GLRB: variants seen among roughly 807,000 people sequenced by gnomAD.
GLRB encodes the protein glycine receptor beta, also known as glycine receptor subunit beta.
GLRB carries 33 observed loss-of-function variants against 54.2 expected under a neutral mutation model. The observed-to-expected ratio is 0.61, with a 90% confidence interval of 0.46 to 0.81. The LOEUF is 0.81. GLRB is among the 40% of genes least tolerant of loss of function. The probability of loss-of-function intolerance (pLI) is 0.00; values close to 1 mark genes in which losing one functional copy is unlikely to be tolerated. For missense variants in GLRB, 572 were observed against 584.6 expected, an observed-to-expected ratio of 0.98 and a Z score of 0.22; for synonymous variants, 209 against 208.2, an observed-to-expected ratio of 1.00 and a Z score of -0.03.
intron 2 of GLRB, among the ~76,000 whole-genome samples, chr4:157,102,240 T>G (rs1473435817): frequency 1.3e-5 from 2 of 152,290 alleles, no homozygotes; most frequent in Admixed American, 6.5e-5. Flanking sequence ...CTTAACAGAT[T>G]TTTAAATTGT....
Position 157,120,658 on chromosome 4 carries a change from C to G in GLRB, c.225C>G (p.Phe75Leu). 2 of 1,459,600 alleles carry G rather than the reference C, an allele frequency of 1.4e-6. No homozygotes were observed. The highest frequency in any genetic ancestry group is 1.9e-6 in the Non-Finnish European group (2 of 1,042,436). 90.4% of individuals were successfully genotyped at this position (1,459,600 alleles called of 1,614,324 possible). ...VSYDPRIRPN[F>L]KGIPVDVVVN... ...ATGATCCCAGGATAAGACCAAACTT[C>G]AAAGGTTTGTCTCCCCCATATAAAT... Residue 75 changes from phenylalanine (F) to leucine (L), a missense_variant, in exon 3 of 10, where the codon TTC (phenylalanine) becomes TTG (leucine). Phe to Leu is a conservative substitution (Grantham distance 22). Transcript: ENST00000264428.
At chr4:157,122,970 G>A (rs1411882421) in intron 4 of GLRB, among the ~76,000 whole-genome samples, 1 of 151,670 alleles carries the variant, frequency 6.6e-6, no homozygotes, top group Non-Finnish European at 1.5e-5. Flanking sequence ...AAGCAGATTC[G>A]TGTCTTGAAA....
intron 4 of GLRB, among the ~76,000 whole-genome samples, chr4:157,127,298 T>C (rs1736049526): frequency 6.6e-6 from 1 of 151,824 alleles, no homozygotes; most frequent in Non-Finnish European, 1.5e-5. Context: ...TGTCCCATTT[T>C]TTATTTCACA....
chr4:157,119,703 A>G (rs1053546265), intron 2 of GLRB, among the ~76,000 whole-genome samples: 2 of 151,824 alleles, frequency 1.3e-5, no homozygotes, highest in Non-Finnish European at 2.9e-5. Flanking sequence ...CACACCAGTT[A>G]GAATGGCAAT....
At chr4:157,144,841 A>T (rs1736749069) in intron 8 of GLRB, among the ~76,000 whole-genome samples, 1 of 152,194 alleles carries the variant, frequency 6.6e-6, no homozygotes, top group South Asian at 2.1e-4. Context: ...GATTTTAAAG[A>T]GTAGGAAGCT....
At chr4:157,162,235 G>A (rs752999311) in intron 9 of GLRB, among the ~76,000 whole-genome samples, 10 of 151,990 alleles carry the variant, frequency 6.6e-5, no homozygotes, top group South Asian at 2.1e-4. Context: ...CATTCATCTC[G>A]TCTTTTTTCA....
intron 8 of GLRB, among the ~76,000 whole-genome samples, chr4:157,149,076 T>C (rs1305446483): frequency 1.3e-5 from 2 of 152,102 alleles, no homozygotes; most frequent in African/African-American, 4.8e-5. Flanking sequence ...TCTGCATATC[T>C]TTCCTTACTC....
intron 2 of GLRB, among the ~76,000 whole-genome samples, chr4:157,098,016 T>A (rs1310198760): frequency 6.6e-6 from 1 of 151,790 alleles, no homozygotes; most frequent in East Asian, 2.0e-4. Context: ...AGTGAGACTT[T>A]GTCTCAAAAA....
At position 157,170,796 on chromosome 4, in the gene GLRB, A is replaced by G. The variant is rs1417990211; in HGVS notation, c.*68A>G. On this transcript the variant is annotated 3_prime_UTR_variant, in exon 10 of 10. Transcript: ENST00000264428. ...TGACCTACTCCTTTCATAAATGCCA[A>G]TCTGTGAGAACTTTTGAATTTTCAT... 2.6e-5 allele frequency: 23 copies of G among 898,750 alleles called. No individual in the cohort carries two copies. Among genetic ancestry groups the G allele is most frequent in the Non-Finnish European group, 3.6e-5 (22 of 605,096 alleles). 55.7% of individuals were successfully genotyped at this position (898,750 alleles called of 1,614,324 possible). A position where few individuals can be genotyped will look rare whatever the true frequency, so the allele number is the denominator to read the frequency against.
In GLRB at chr4:157,152,886, A is replaced by G; in HGVS notation, c.1073A>G (p.Lys358Arg). The change falls in exon 9 of 10, where the codon AAA (lysine) becomes AGA (arginine). Residue 358 changes from lysine (K) to arginine (R), a missense_variant. Transcript: ENST00000264428. The part of the protein sequence containing the change: ...AVVQVMLNNP[K>R]RVEAEKARIA... Reference sequence around the variant, plus strand: ...GTCCAGGTGATGCTGAACAACCCCAAAAGGGTTGAAGCTGAAAAAGCCAGA... The same window carrying G: ...GTCCAGGTGATGCTGAACAACCCCAGAAGGGTTGAAGCTGAAAAAGCCAGA... The G allele has an allele frequency of 6.2e-7, 1 of 1,613,974 alleles. No individual in the cohort carries two copies. The highest frequency in any genetic ancestry group is 8.5e-7 in the Non-Finnish European group (1 of 1,179,896).
At chr4:157,078,185 G>T (rs1372964560) in intron 2 of GLRB, 39 bp downstream of exon 2, 5 of 1,607,716 alleles carry the variant, frequency 3.1e-6, no homozygotes, top group African/African-American at 1.3e-5. Flanking sequence ...ATGGAGAAAT[G>T]TTATTGCGTG....
At chr4:157,101,296 A>C (rs1304715917) in intron 2 of GLRB, among the ~76,000 whole-genome samples, 2 of 152,054 alleles carry the variant, frequency 1.3e-5, no homozygotes, top group Non-Finnish European at 2.9e-5. Flanking sequence ...TAAATAATAT[A>C]TTTTTGGTGA....
intron 8 of GLRB, among the ~76,000 whole-genome samples, chr4:157,148,307 C>T (rs1031083472): frequency 3.9e-5 from 6 of 151,904 alleles, no homozygotes; most frequent in South Asian, 2.1e-4. Flanking sequence ...TTTATTTTAT[C>T]GATATTTTCA....
At chr4:157,089,507 T>C (rs1734532863) in intron 2 of GLRB, among the ~76,000 whole-genome samples, 1 of 152,196 alleles carries the variant, frequency 6.6e-6, no homozygotes, top group Non-Finnish European at 1.5e-5. Flanking sequence ...AGCTATCTTC[T>C]GTAAACGGAA....
At chr4:157,118,707 A>G (rs1008392817) in intron 2 of GLRB, among the ~76,000 whole-genome samples, 2 of 151,576 alleles carry the variant, frequency 1.3e-5, no homozygotes, top group East Asian at 1.9e-4. Flanking sequence ...CTCACCTACA[A>G]TGGTTGCCTC....
chr4:157,131,185 G>A (rs1248792190), intron 4 of GLRB, among the ~76,000 whole-genome samples: 1 of 151,668 alleles, frequency 6.6e-6, no homozygotes, highest in African/African-American at 2.4e-5. Context: ...GTTAGACATT[G>A]TTTTAGTGTG....
intron 2 of GLRB, among the ~76,000 whole-genome samples, chr4:157,106,225 C>T (rs996812544): frequency 1.3e-5 from 2 of 151,910 alleles, no homozygotes; most frequent in African/African-American, 2.4e-5. Context: ...TATCCCACTG[C>T]CTTTTGGGAT....
At chr4:157,153,043 C>T (rs1737088027) in intron 9 of GLRB, 33 bp downstream of exon 9, 2 of 1,546,760 alleles carry the variant, frequency 1.3e-6, no homozygotes, top group African/African-American at 1.4e-5. Flanking sequence ...AAATCATTTC[C>T]CCCAACCACT....
intron 2 of GLRB, among the ~76,000 whole-genome samples, chr4:157,097,760 C>A (rs1014256169): frequency 4.6e-5 from 7 of 152,226 alleles, no homozygotes; most frequent in African/African-American, 1.7e-4. Flanking sequence ...CTGGCTCACG[C>A]CCGTAATCCC....
Sources: allele counts gnomAD v4.1 joint callset (sites outside exome capture counted in the v4.1 genomes callset), GRCh38; gene constraint gnomAD v4.1.1; transcripts MANE v1.5; gene names NCBI Gene and HGNC (gene_info 2026-07-23, HGNC 2026-07-21).